The following TINAGL1 variants were observed in gnomAD, a reference collection of about 807,000 sequenced individuals.
The protein encoded by TINAGL1 is tubulointerstitial nephritis antigen-like.
Under a neutral mutation model 62.0 loss-of-function variants are expected in TINAGL1, and 34 were observed. The ratio of observed to expected loss-of-function variants is 0.55; its 90% CI spans 0.42 to 0.73. TINAGL1 has a LOEUF of 0.73. TINAGL1 is among the 30% of genes least tolerant of loss of function. The probability of loss-of-function intolerance (pLI) is 0.00; values close to 1 mark genes in which losing one functional copy is unlikely to be tolerated. For synonymous variants in TINAGL1, 221 were observed against 249.7 expected, an observed-to-expected ratio of 0.88 and a Z score of 1.08; for missense variants, 516 against 653.2, an observed-to-expected ratio of 0.79 and a Z score of 2.29.
chr1:31,579,152 A>G (rs1639130876), intron 2 of TINAGL1, 52 bp from the exon 3 acceptor site: 2 of 1,507,002 alleles, frequency 1.3e-6, no homozygotes. Flanking sequence ...CTGGCCAATT[A>G]GCCCATCCTC....
chr1:31,577,550 T>G lies in TINAGL1; in HGVS notation c.310+92T>G. 2 of 1,383,446 alleles carry G rather than the reference T, an allele frequency of 1.4e-6. No homozygotes were observed. Among genetic ancestry groups the G allele is most frequent in the Non-Finnish European group, 2.0e-6 (2 of 1,012,348 alleles). The allele number at this position is 1,383,446 out of a possible 1,614,324, so 85.7% of individuals were successfully genotyped here. A position where few individuals can be genotyped will look rare whatever the true frequency, so the allele number is the denominator to read the frequency against. ...CAAAGCTGATGGATGCACTGACATT[T>G]CCAGGGGAAGCTCTGTAGAATCTGG... is the stretch of plus-strand genomic sequence containing the variant. On this transcript the variant is annotated intron_variant, in intron 2 of 11. Coordinates refer to ENST00000271064, the MANE Select transcript of TINAGL1 (RefSeq NM_022164.3). This position sits in a 1 kb window ranked among gnomAD's most constrained non-coding sequence, Gnocchi z 5.4.
In TINAGL1 at chr1:31,585,913, AGGGTTTGTGCTAG is replaced by A. The variant is rs1369198525; in HGVS notation, c.1217+41_1217+53del. Reference sequence around the variant, plus strand: ...GTGGGCAGAGGGGGTTTGGGACAGCAGGGTTTGTGCTAGGGGCTCTGGAGCCTGCCTTGGGTTC... The same window carrying A: ...GTGGGCAGAGGGGGTTTGGGACAGCAGGGCTCTGGAGCCTGCCTTGGGTTC... On this transcript the variant is annotated intron_variant, in intron 10 of 11. Coordinates refer to ENST00000271064, the MANE Select transcript of TINAGL1 (RefSeq NM_022164.3). This position sits in a 1 kb window ranked among gnomAD's most constrained non-coding sequence, Gnocchi z 4.3. 1.3e-6 allele frequency: 2 copies of A among 1,546,770 alleles called. No individual in the cohort carries two copies. Among genetic ancestry groups the A allele is most frequent in the East Asian group, 4.8e-5 (2 of 41,322 alleles).
At chr1:31,582,662 A>T (rs1639278344) in intron 3 of TINAGL1, among the ~76,000 whole-genome samples, 1 of 152,130 alleles carries the variant, frequency 6.6e-6, no homozygotes, top group Non-Finnish European at 1.5e-5. Flanking sequence ...GTGAGAGGTG[A>T]TCGGACTTGG....
Position 31,584,553 on chromosome 1 carries a change from C to T in TINAGL1, c.583-125C>T, listed in dbSNP as rs149092807. On this transcript the variant is annotated intron_variant, in intron 5 of 11. Transcript: ENST00000271064. This position sits in a 1 kb window ranked among gnomAD's most constrained non-coding sequence, Gnocchi z 4.0. ...ATTGGAGGCAGCTGGAATCCTGCAG[C>T]AGCAGGAGGGCTCAAGATTAAACTG... is the stretch of plus-strand genomic sequence containing the variant. 588 of 1,471,700 alleles carry T rather than the reference C, an allele frequency of 4.0e-4. 3 individuals are homozygous for T. The African/African-American group carries it at 7.2e-3, about 18-fold the overall frequency. 91.2% of individuals were successfully genotyped at this position (1,471,700 alleles called of 1,614,324 possible). A position where few individuals can be genotyped will look rare whatever the true frequency, so the allele number is the denominator to read the frequency against.
At chr1:31,580,936 C>G in intron 3 of TINAGL1, 2 of 369,624 alleles carry the variant, frequency 5.4e-6, no homozygotes, top group Non-Finnish European at 7.5e-6. Flanking sequence ...ACAAGCTGCC[C>G]AGTGTTATAG....
chr1:31,585,769 T>G lies in TINAGL1; in HGVS notation c.1110T>G (p.His370Gln), dbSNP rs189923612. The change falls in exon 10 of 12, where the codon CAT (histidine) becomes CAG (glutamine). Residue 370 changes from histidine (H) to glutamine (Q), a missense_variant. Physicochemically the swap from His to Gln is conservative, Grantham distance 24. Coordinates refer to ENST00000271064, the MANE Select transcript of TINAGL1 (RefSeq NM_022164.3). The surrounding 1 kb of genome is among the most constrained non-coding windows in gnomAD (Gnocchi z 4.3). The part of the protein sequence containing the change: ...NGPVQALMEV[H>Q]EDFFLYKGGI... ...TGCCCACAGCCCTCATGGAGGTGCA[T>G]GAGGACTTCTTCCTATACAAGGGAG... 5.6e-6 allele frequency: 9 copies of G among 1,613,594 alleles called. No homozygotes were observed. In the Admixed American group the frequency reaches 1.5e-4, roughly 27 times the overall value.
rs376164784 is a variant in TINAGL1 at position 31,585,606 on chromosome 1, TC to T, written c.1093+128del. The stretch of plus-strand genomic sequence containing the variant: ...TGTCCAGTAGGGCCAGGAGTAGGGG[TC>T]CCCCCCTCCCACAGGCAGCACCTGG... On this transcript the variant is annotated intron_variant, in intron 9 of 11. Transcript: ENST00000271064. The surrounding 1 kb of genome is among the most constrained non-coding windows in gnomAD (Gnocchi z 4.3). 1.4e-5 allele frequency: 21 copies of T among 1,525,766 alleles called. No homozygotes were observed. The highest frequency in any genetic ancestry group is 2.5e-5 in the South Asian group (2 of 78,968). 94.5% of individuals were successfully genotyped at this position (1,525,766 alleles called of 1,614,324 possible).
chr1:31,577,540 C>T lies in TINAGL1; in HGVS notation c.310+82C>T. ...GGCTCAAGAGCAAAGCTGATGGATG[C>T]ACTGACATTTCCAGGGGAAGCTCTG... On this transcript the variant is annotated intron_variant, in intron 2 of 11. Coordinates refer to ENST00000271064, the MANE Select transcript of TINAGL1 (RefSeq NM_022164.3). The surrounding 1 kb of genome is among the most constrained non-coding windows in gnomAD (Gnocchi z 5.4). The T allele has an allele frequency of 7.0e-7, 1 of 1,422,096 alleles. No individual in the cohort carries two copies. The highest frequency in any genetic ancestry group is 2.3e-5 in the East Asian group (1 of 43,332). 88.1% of individuals were successfully genotyped at this position (1,422,096 alleles called of 1,614,324 possible).
In TINAGL1 at chr1:31,583,117, C is replaced by T. The variant is rs1305250135; in HGVS notation, c.375-32C>T. 2 of 1,606,712 alleles carry T rather than the reference C, an allele frequency of 1.2e-6. No individual in the cohort carries two copies. The highest frequency in any genetic ancestry group is 1.7e-5 in the Admixed American group (1 of 59,996). On this transcript the variant is annotated intron_variant, in intron 3 of 11. Coordinates refer to ENST00000271064, the MANE Select transcript of TINAGL1 (RefSeq NM_022164.3). The surrounding 1 kb of genome is among the most constrained non-coding windows in gnomAD (Gnocchi z 4.4). ...CCTTCAAAGTATCCCCAGTCCCCCA[C>T]TTACCCTTTCCTTCTCTCCTTTTCT...
chr1:31,586,780 C>A, intron 11 of TINAGL1, 25 bp downstream of exon 11: 1 of 1,550,544 alleles, frequency 6.4e-7, no homozygotes, highest in Non-Finnish European at 8.7e-7. Context: ...CCTTTCCCCG[C>A]CCCCTCTTCC....
chr1:31,586,673 AC>A (rs1330000262), intron 10 of TINAGL1, 36 bp from the exon 11 acceptor site: 2 of 1,554,806 alleles, frequency 1.3e-6, no homozygotes, highest in Admixed American at 1.9e-5. Context: ...GAGCAGGTAG[AC>A]CCAGCTCCCT....
At chr1:31,582,743 C>T (rs867562855) in intron 3 of TINAGL1, among the ~76,000 whole-genome samples, 2 of 151,914 alleles carry the variant, frequency 1.3e-5, no homozygotes, top group Non-Finnish European at 2.9e-5. Flanking sequence ...ATAGGATATG[C>T]GGATGAACTG....
rs1639288929 is a variant in TINAGL1 at position 31,583,071 on chromosome 1, G to A, written c.375-78G>A. The A allele has an allele frequency of 6.0e-6, 8 of 1,324,582 alleles. No individual in the cohort carries two copies. The highest frequency in any genetic ancestry group is 1.4e-5 in the African/African-American group (1 of 69,410). 82.1% of individuals were successfully genotyped at this position (1,324,582 alleles called of 1,614,324 possible). A position where few individuals can be genotyped will look rare whatever the true frequency, so the allele number is the denominator to read the frequency against. ...CACTTGCACAGACTCCCTGGCCCAT[G>A]TTAACCTCCGAGGCCACATTCCTTC... On this transcript the variant is annotated intron_variant, in intron 3 of 11. Transcript: ENST00000271064. The surrounding 1 kb of genome is among the most constrained non-coding windows in gnomAD (Gnocchi z 4.4).
At chr1:31,578,044 G>T in intron 2 of TINAGL1, 1 of 515,602 alleles carries the variant, frequency 1.9e-6, no homozygotes, top group Non-Finnish European at 2.5e-6. Flanking sequence ...CTGGGCCTTG[G>T]CTTCCCCATG....
intron 2 of TINAGL1, among the ~76,000 whole-genome samples, chr1:31,578,826 GGT>G (rs74193742): frequency 2.5e-5 from 3 of 122,302 alleles, no homozygotes; most frequent in Non-Finnish European, 3.4e-5. Context: ...AGTGAGAGCT[GGT>G]GTGTGTGTGT....
In TINAGL1 at chr1:31,584,932, G is replaced by A. The variant is rs372554073; in HGVS notation, c.753G>A (p.Thr251=). 1.5e-4 allele frequency: 245 copies of A among 1,612,072 alleles called. 3 individuals carry two copies. The African/African-American group carries it at 2.3e-3, about 15-fold the overall frequency. Residue 251 remains threonine, a synonymous_variant, in exon 7 of 12, where the codon ACG becomes ACA. Coordinates refer to ENST00000271064, the MANE Select transcript of TINAGL1 (RefSeq NM_022164.3). This position sits in a 1 kb window ranked among gnomAD's most constrained non-coding sequence, Gnocchi z 4.0. ...RVSIHSLGHM[T]PVLSPQNLLS... is the part of the protein sequence containing the mutation. Reference sequence around the variant, plus strand: ...CAATCCATTCTCTGGGACACATGACGCCTGTCCTGTCGCCCCAGAACCTGC... The same window carrying A: ...CAATCCATTCTCTGGGACACATGACACCTGTCCTGTCGCCCCAGAACCTGC...
In TINAGL1 at chr1:31,584,515, A is replaced by C; in HGVS notation, c.583-163A>C. ...GGCACTAAATGGTGCTTGGTTCTTC[A>C]ACACAAGTCAAAATTGGAGGCAGCT... On this transcript the variant is annotated intron_variant, in intron 5 of 11. Coordinates refer to ENST00000271064, the MANE Select transcript of TINAGL1 (RefSeq NM_022164.3). This position sits in a 1 kb window ranked among gnomAD's most constrained non-coding sequence, Gnocchi z 4.0. The C allele has an allele frequency of 8.5e-7, 1 of 1,176,812 alleles. No individual in the cohort carries two copies. The highest frequency in any genetic ancestry group is 1.2e-6 in the Non-Finnish European group (1 of 828,634). 72.9% of individuals were successfully genotyped at this position (1,176,812 alleles called of 1,614,324 possible).
At chr1:31,580,379 G>C (rs1639211002) in intron 3 of TINAGL1, 2 of 1,289,194 alleles carry the variant, frequency 1.6e-6, no homozygotes, top group Non-Finnish European at 2.0e-6. Flanking sequence ...GGCAGGAAAG[G>C]ACAGAACAGT....
chr1:31,580,205 C>CTCTG (rs1639195703), intron 3 of TINAGL1: 16 of 493,702 alleles, frequency 3.2e-5, no homozygotes, highest in Admixed American at 2.8e-4. Flanking sequence ...CTCTCTCTCT[C>CTCTG]TCTCTCTGTC....
Sources: allele counts gnomAD v4.1 joint callset (sites outside exome capture counted in the v4.1 genomes callset), GRCh38; gene constraint gnomAD v4.1.1; non-coding constraint Gnocchi (gnomAD v3.1); transcripts MANE v1.5; gene names NCBI Gene and HGNC (gene_info 2026-07-23, HGNC 2026-07-21).